BARD1: variants seen among roughly 807,000 people sequenced by gnomAD.
BARD1 encodes the protein BRCA1-associated RING domain protein 1.
BARD1 carries 73 observed loss-of-function variants against 77.0 expected under a neutral mutation model. The observed-to-expected ratio is 0.95, with a 90% CI of 0.79 to 1.15. BARD1 has a LOEUF of 1.15. BARD1 is among the 50% of genes most tolerant of loss of function. The pLI, the probability that BARD1 is intolerant of heterozygous loss-of-function variation, is 0.00. For missense variants in BARD1, 993 were observed against 938.8 expected (o/e 1.06, Z -0.75); for synonymous variants, 384 against 338.0 (o/e 1.14, Z -1.49).
At chr2:214,792,975 T>A (rs549299447) in intron 2 of BARD1, among the ~76,000 whole-genome samples, 1 of 152,102 alleles carries the variant, frequency 6.6e-6, no homozygotes, top group South Asian at 2.1e-4. Context: ...GTTAGAAGAG[T>A]TTTTCTAATT....
rs1266259366 is a variant in BARD1, at chr2:214,728,694, C to T, written c.2316G>A (p.Leu772=). 5.6e-6 allele frequency: 9 copies of T among 1,614,142 alleles called. No individual in the cohort carries two copies. The highest frequency in any genetic ancestry group is 7.6e-6 in the Non-Finnish European group (9 of 1,180,012). Residue 772 remains leucine, a synonymous_variant, in exon 11 of 11, where the codon TTG becomes TTA. Coordinates refer to ENST00000260947, the MANE Select transcript of BARD1 (RefSeq NM_000465.4). ...WFIDCVMSFE[L]LPLDS is the part of the protein sequence containing the mutation. Reference sequence around the variant, plus strand: ...ATAATATTCAGCTGTCAAGAGGAAGCAACTCAAAGGACATCACACAGTCTA... The same window carrying T: ...ATAATATTCAGCTGTCAAGAGGAAGTAACTCAAAGGACATCACACAGTCTA...
At chr2:214,781,958 C>T (rs975445010) in intron 3 of BARD1, among the ~76,000 whole-genome samples, 2 of 152,048 alleles carry the variant, frequency 1.3e-5, no homozygotes, top group African/African-American at 2.4e-5. Context: ...ATGTAATTTC[C>T]AGTAGGCTTG....
intron 10 of BARD1, 21 bp downstream of exon 10, chr2:214,730,388 AAG>A (rs1296208067): frequency 6.3e-7 from 1 of 1,589,796 alleles, no homozygotes; most frequent in Non-Finnish European, 8.6e-7. Context: ...AGAACAATGA[AAG>A]TTGTATTAAA....
At chr2:214,756,106 A>T (rs941183870) in intron 6 of BARD1, among the ~76,000 whole-genome samples, 9 of 152,144 alleles carry the variant, frequency 5.9e-5, no homozygotes, top group Non-Finnish European at 1.2e-4. Flanking sequence ...CCCAAATCTC[A>T]TGTCAAATTA....
At chr2:214,805,371 A>C (rs1348815904) in intron 1 of BARD1, among the ~76,000 whole-genome samples, 1 of 152,208 alleles carries the variant, frequency 6.6e-6, no homozygotes, top group Non-Finnish European at 1.5e-5. Context: ...ACAGTGTCTC[A>C]GTGATTTCTC....
intron 6 of BARD1, among the ~76,000 whole-genome samples, chr2:214,764,778 AAGG>A (rs774685609): frequency 2.0e-4 from 31 of 152,196 alleles, no homozygotes; most frequent in African/African-American, 7.2e-4. Context: ...GTAACCTGAA[AAGG>A]AGGAGAACAG....
intron 4 of BARD1, among the ~76,000 whole-genome samples, chr2:214,778,628 G>C (rs1694839454): frequency 6.6e-6 from 1 of 152,006 alleles, no homozygotes; most frequent in Non-Finnish European, 1.5e-5. Flanking sequence ...GCAAACTATA[G>C]CCTATGGGCC....
In BARD1 at chr2:214,809,516, G is replaced by C. The variant is rs587780032; in HGVS notation, c.54C>G (p.Asn18Lys). The change falls in exon 1 of 11, where the codon AAC becomes AAG. Residue 18 changes from asparagine to lysine, a missense_variant. Transcript: ENST00000260947. ...CCATGGCGGGCGCGGAACGAGGCTC[G>C]TTCCCGGAGCGGATCCTCGGCTGCC... Reference protein sequence around the residue: ...RNRQPRIRSGNEPRSAPAMEP... With the variant: ...RNRQPRIRSGKEPRSAPAMEP... 20 of 1,596,242 alleles carry C rather than the reference G, an allele frequency of 1.3e-5. No homozygotes were observed. In the East Asian group the frequency reaches 1.4e-4, roughly 11 times the overall value.
At chr2:214,766,637 C>T (rs1240963063) in intron 6 of BARD1, among the ~76,000 whole-genome samples, 1 of 152,114 alleles carries the variant, frequency 6.6e-6, no homozygotes, top group Admixed American at 6.5e-5. Context: ...CAAAATGTGC[C>T]GCTGCTCAAG....
chr2:214,749,827 C>G (rs543296023), intron 7 of BARD1, among the ~76,000 whole-genome samples: 91 of 151,322 alleles, frequency 6.0e-4, no homozygotes, highest in Non-Finnish European at 2.7e-4. Context: ...CAAATCATAG[C>G]CTCTTTAGGT....
intron 4 of BARD1, among the ~76,000 whole-genome samples, chr2:214,777,350 T>C (rs1409547510): frequency 6.6e-6 from 1 of 152,126 alleles, no homozygotes; most frequent in Admixed American, 6.5e-5. Context: ...TTAATAATGT[T>C]TCCAAGCTCA....
chr2:214,726,927 G>T lies in BARD1; in HGVS notation c.*1749C>A, dbSNP rs1428629070. ...ATCAGGAATTCAGATGCAAGGAACAGACACAAACCTGTCTAAAATGTGACC... is the reference window on the plus strand; with the variant it reads ...ATCAGGAATTCAGATGCAAGGAACATACACAAACCTGTCTAAAATGTGACC... On this transcript the variant is annotated 3_prime_UTR_variant, in exon 11 of 11. Transcript: ENST00000260947. The T allele has an allele frequency of 1.3e-5, 3 of 226,458 alleles. No homozygotes were observed. The highest frequency in any genetic ancestry group is 2.6e-5 in the Non-Finnish European group (3 of 114,954). The allele number at this position is 226,458 out of a possible 1,614,324, so 14.0% of individuals were successfully genotyped here. A position where few individuals can be genotyped will look rare whatever the true frequency, so the allele number is the denominator to read the frequency against.
intron 9 of BARD1, chr2:214,731,046 A>T: frequency 3.0e-6 from 1 of 330,684 alleles, no homozygotes; most frequent in Non-Finnish European, 6.2e-6. Flanking sequence ...CGCTTCCTAA[A>T]ATAAACAAGC....
At chr2:214,791,129 G>C (rs1695492578) in intron 3 of BARD1, among the ~76,000 whole-genome samples, 1 of 151,976 alleles carries the variant, frequency 6.6e-6, no homozygotes, top group Non-Finnish European at 1.5e-5. Flanking sequence ...AGTTACATCT[G>C]AAAGTAAGAA....
intron 4 of BARD1, among the ~76,000 whole-genome samples, chr2:214,772,377 A>G (rs1694542654): frequency 6.6e-6 from 1 of 152,122 alleles, no homozygotes; most frequent in Non-Finnish European, 1.5e-5. Flanking sequence ...CACATTCCCT[A>G]TCTTTAACAT....
chr2:214,747,821 C>A (rs1044534052), intron 7 of BARD1, among the ~76,000 whole-genome samples: 31 of 149,748 alleles, frequency 2.1e-4, no homozygotes, highest in African/African-American at 7.1e-4. Flanking sequence ...CAAACCTGCA[C>A]GTTGTGCACA....
At position 214,806,462 on chromosome 2, in the gene BARD1, AG is replaced by A. The variant is rs375693492; in HGVS notation, c.158+2949del. Among the ~76,000 whole-genome samples, 111 of 152,354 alleles carry A rather than the reference AG, an allele frequency of 7.3e-4. 2 individuals carry two copies. The East Asian group carries it at 0.018, about 25-fold the overall frequency. ...AGGCTACCAGGGCAAAGGCAGAGGT[AG>A]GAACAATGCTTTTCCTCCTTGAGTA... On this transcript the variant is annotated intron_variant, in intron 1 of 10. Transcript: ENST00000260947.
intron 3 of BARD1, among the ~76,000 whole-genome samples, chr2:214,783,160 G>A (rs1695116762): frequency 6.6e-6 from 1 of 151,950 alleles, no homozygotes; most frequent in Non-Finnish European, 1.5e-5. Context: ...TGTATACTTG[G>A]GTTTTGCATT....
At chr2:214,733,342 T>C (rs564157618) in intron 9 of BARD1, among the ~76,000 whole-genome samples, 4 of 152,352 alleles carry the variant, frequency 2.6e-5, no homozygotes, top group East Asian at 1.9e-4. Flanking sequence ...AAGAAATTCA[T>C]TTATGTTTCA....
Sources: gnomAD v4.1 joint callset for allele counts (sites outside exome capture counted in the v4.1 genomes callset) on GRCh38, gnomAD v4.1.1 for gene constraint, MANE v1.5 for transcripts, NCBI Gene and HGNC (gene_info 2026-07-23, HGNC 2026-07-21) for gene names.